Variants in TTC6 observed in about 807,000 individuals in gnomAD.
TTC6 encodes the protein tetratricopeptide repeat domain 6, also known as tetratricopeptide repeat protein 6.
A neutral mutation model predicts 210.4 loss-of-function variants in TTC6; 172 were observed. The observed-to-expected ratio is 0.82, with a 90% CI of 0.72 to 0.93. The LOEUF is 0.93. TTC6 is among the 40% of genes least tolerant of loss of function. The probability of loss-of-function intolerance (pLI) is 0.00; values close to 1 mark genes in which losing one functional copy is unlikely to be tolerated. For synonymous variants in TTC6, 804 were observed against 819.6 expected, an observed-to-expected ratio of 0.98 and a Z score of 0.32; for missense variants, 2,414 against 2,318.1, an observed-to-expected ratio of 1.04 and a Z score of -0.85.
At chr14:37,823,405 T>C (rs1338271900) in intron 26 of TTC6, among the ~76,000 whole-genome samples, 2 of 152,168 alleles carry the variant, frequency 1.3e-5, no homozygotes, top group Non-Finnish European at 2.9e-5. Context: ...GTAGCATATG[T>C]TTTTCTATAC....
chr14:37,826,479 A>G, intron 28 of TTC6, 132 bp downstream of exon 30: 1 of 868,676 alleles, frequency 1.2e-6, no homozygotes. Flanking sequence ...TTTTTTTTTA[A>G]CCCAAGTGAT....
At chr14:37,637,156 C>T (rs1024448095) in intron 1 of TTC6, among the ~76,000 whole-genome samples, 3 of 144,590 alleles carry the variant, frequency 2.1e-5, no homozygotes, top group Non-Finnish European at 1.6e-5. Context: ...AACAAAACCA[C>T]AAGAAAAAAA....
At chr14:37,719,009 C>G (rs989691575) in intron 6 of TTC6, among the ~76,000 whole-genome samples, 1 of 151,806 alleles carries the variant, frequency 6.6e-6, no homozygotes, top group Admixed American at 6.6e-5. Context: ...AGTAAAGTGA[C>G]AAGATACAAA....
intron 29 of TTC6, 139 bp downstream of exon 31, chr14:37,827,505 C>T: frequency 2.5e-6 from 2 of 792,586 alleles, no homozygotes; most frequent in Admixed American, 5.6e-5. Flanking sequence ...TGTTATCTTT[C>T]ATAAGAATGT....
At chr14:37,734,240 G>A (rs553510041) in intron 7 of TTC6, among the ~76,000 whole-genome samples, 42 of 152,220 alleles carry the variant, frequency 2.8e-4, no homozygotes, top group Non-Finnish European at 5.0e-4. Context: ...CATGAAAGTT[G>A]ATTCCTTCCA....
intron 1 of TTC6, among the ~76,000 whole-genome samples, chr14:37,659,183 T>C (rs1230046514): frequency 6.6e-6 from 1 of 152,186 alleles, no homozygotes; most frequent in Non-Finnish European, 1.5e-5. Flanking sequence ...ACTCTACCAT[T>C]GATGGACATT....
chr14:37,753,962 C>A (rs1249729153), intron 14 of TTC6, among the ~76,000 whole-genome samples: 2 of 151,830 alleles, frequency 1.3e-5, no homozygotes, highest in African/African-American at 2.4e-5. Context: ...GCATAGTTTT[C>A]ATTTTGTTGC....
rs115373668 is a variant in TTC6, at chr14:37,648,614, G to A, written c.939+25611G>A. Among the ~76,000 whole-genome samples, 359 of 152,088 alleles carry A rather than the reference G, an allele frequency of 2.4e-3. 2 individuals carry two copies. The highest frequency in any genetic ancestry group is 8.1e-3 in the African/African-American group (338 of 41,498). ...TTTTTCTGTTCTCCAGAAACAGTTC[G>A]TATAAGAGAGGGATTATATTTTCCT... On this transcript the variant is annotated intron_variant, in intron 1 of 30. Coordinates refer to ENST00000553443, the Ensembl canonical transcript of TTC6.
intron 14 of TTC6, among the ~76,000 whole-genome samples, chr14:37,764,261 A>C (rs1308073614): frequency 6.6e-6 from 1 of 152,274 alleles, no homozygotes; most frequent in East Asian, 1.9e-4. Flanking sequence ...TGTTAGATGA[A>C]GTGTTCTATA....
chr14:37,826,717 A>G (rs537968890), intron 28 of TTC6, among the ~76,000 whole-genome samples: 68 of 152,260 alleles, frequency 4.5e-4, no homozygotes, highest in Non-Finnish European at 8.2e-4. Context: ...TAGTGAAATG[A>G]CAAGTAAAAA....
chr14:37,600,626 C>T (rs1386295199), intron 1 of TTC6, among the ~76,000 whole-genome samples: 1 of 152,194 alleles, frequency 6.6e-6, no homozygotes, highest in African/African-American at 2.4e-5. Flanking sequence ...GAATCATATG[C>T]CATATCCTTC....
At chr14:37,789,596 T>TTATATATATATATATATATATATA (rs1283814571) in intron 15 of TTC6, among the ~76,000 whole-genome samples, 14 of 134,494 alleles carry the variant, frequency 1.0e-4, no homozygotes, top group African/African-American at 3.4e-4. Flanking sequence ...TGGTTTCCTC[T>TTATATATATATATATATATATATA]TATATATATA....
At position 37,787,657 on chromosome 14, in the gene TTC6, A is replaced by T; in HGVS notation, c.3436+20A>T. The T allele has an allele frequency of 7.0e-7, 1 of 1,431,238 alleles. No homozygotes were observed. The highest frequency in any genetic ancestry group is 9.2e-7 in the Non-Finnish European group (1 of 1,085,462). The allele number at this position is 1,431,238 out of a possible 1,614,324, so 88.7% of individuals were successfully genotyped here. A position where few individuals can be genotyped will look rare whatever the true frequency, so the allele number is the denominator to read the frequency against. On this transcript the variant is annotated intron_variant, in intron 15 of 30. Transcript: ENST00000553443. ...TTTCAGGTACTTTGCCTTCAATTAC[A>T]TGTATATAGCAACCCAATCTGAGAT...
chr14:37,713,476 G>C (rs1429100619), intron 5 of TTC6, among the ~76,000 whole-genome samples: 1 of 152,144 alleles, frequency 6.6e-6, no homozygotes, highest in Non-Finnish European at 1.5e-5. Flanking sequence ...GGCCTCAAGT[G>C]ATCTGCCTGC....
intron 1 of TTC6, among the ~76,000 whole-genome samples, chr14:37,597,669 G>C (rs898893166): frequency 6.6e-6 from 1 of 152,206 alleles, no homozygotes; most frequent in East Asian, 1.9e-4. Context: ...TGCCAGCTTC[G>C]GAGACTTGAT....
intron 29 of TTC6, among the ~76,000 whole-genome samples, chr14:37,833,554 C>T (rs1392458524): frequency 1.3e-5 from 2 of 152,138 alleles, no homozygotes; most frequent in Non-Finnish European, 2.9e-5. Context: ...ATTATCCATT[C>T]AGTCAGTCTA....
intron 1 of TTC6, among the ~76,000 whole-genome samples, chr14:37,651,389 A>T (rs1320486685): frequency 2.5e-4 from 4 of 15,848 alleles, no homozygotes; most frequent in East Asian, 3.2e-3. Context: ...TGTTTATGTT[A>T]TATATATATA....
At chr14:37,786,972 A>G (rs1281256206) in intron 14 of TTC6, among the ~76,000 whole-genome samples, 1 of 152,220 alleles carries the variant, frequency 6.6e-6, no homozygotes, top group East Asian at 1.9e-4. Flanking sequence ...AGTTTACACA[A>G]CTAATGCAAT....
chr14:37,642,666 G>A (rs1000314706), intron 1 of TTC6, among the ~76,000 whole-genome samples: 4 of 152,022 alleles, frequency 2.6e-5, no homozygotes, highest in African/African-American at 9.7e-5. Context: ...TCTTAACAAC[G>A]GGAATACTTT....
Sources: gnomAD v4.1 joint callset for allele counts (sites outside exome capture counted in the v4.1 genomes callset) on GRCh38, gnomAD v4.1.1 for gene constraint, MANE v1.5 for transcripts, NCBI Gene and HGNC (gene_info 2026-07-23, HGNC 2026-07-21) for gene names.